TBC1D14: variants seen among roughly 807,000 people sequenced by gnomAD.
TBC1D14 encodes TBC1 domain family member 14.
TBC1D14 carries 26 observed loss-of-function variants against 79.0 expected under a neutral mutation model. The observed-to-expected ratio is 0.33, with a 90% CI of 0.24 to 0.46. TBC1D14 has a LOEUF of 0.46. TBC1D14 is among the 20% of genes least tolerant of loss of function. The pLI is 1.00. For missense variants in TBC1D14, 769 were observed against 887.6 expected (o/e 0.87, Z 1.70); for synonymous variants, 394 against 349.9 (o/e 1.13, Z -1.40).
intron 12 of TBC1D14, among the ~76,000 whole-genome samples, chr4:7,016,830 C>T (rs1411777120): frequency 6.6e-6 from 1 of 152,186 alleles, no homozygotes; most frequent in African/African-American, 2.4e-5. Flanking sequence ...AAGTACAGGC[C>T]TGGAGAATAG....
At chr4:6,972,782 G>C (rs914731691) in intron 3 of TBC1D14, among the ~76,000 whole-genome samples, 3 of 152,126 alleles carry the variant, frequency 2.0e-5, no homozygotes, top group African/African-American at 7.2e-5. Flanking sequence ...AGCTGGACTC[G>C]AAGCTTCAGC....
intron 2 of TBC1D14, among the ~76,000 whole-genome samples, chr4:6,951,659 T>C (rs1714051033): frequency 1.7e-5 from 2 of 117,094 alleles, no homozygotes; most frequent in African/African-American, 3.3e-5. Flanking sequence ...CTGTTTCTTA[T>C]GATTAAATGA....
chr4:6,946,569 C>G (rs892910965), intron 2 of TBC1D14, among the ~76,000 whole-genome samples: 1 of 152,190 alleles, frequency 6.6e-6, no homozygotes, highest in African/African-American at 2.4e-5. Flanking sequence ...GATCCACCTG[C>G]CTCGGCCTTC....
At chr4:7,013,970 C>T (rs1436684035) in intron 11 of TBC1D14, among the ~76,000 whole-genome samples, 2 of 152,162 alleles carry the variant, frequency 1.3e-5, no homozygotes, top group Admixed American at 6.5e-5. Flanking sequence ...AGGATGGTCT[C>T]GATCTCCTGA....
chr4:6,984,271 C>G (rs1293817885), intron 3 of TBC1D14, among the ~76,000 whole-genome samples: 1 of 152,120 alleles, frequency 6.6e-6, no homozygotes, highest in Non-Finnish European at 1.5e-5. Flanking sequence ...CTCACATTGC[C>G]TATGCTCGTG....
At chr4:6,953,763 G>A (rs1714340226) in intron 2 of TBC1D14, among the ~76,000 whole-genome samples, 1 of 152,246 alleles carries the variant, frequency 6.6e-6, no homozygotes, top group South Asian at 2.1e-4. Context: ...TGGTTCTAGT[G>A]TAGGTATTTG....
Position 6,928,784 on chromosome 4 carries a change from G to A in TBC1D14, c.722+4673G>A, listed in dbSNP as rs115759034. Among the ~76,000 whole-genome samples the A allele has an allele frequency of 8.0e-3, 1,226 of 152,328 alleles. 12 individuals carry two copies. The highest frequency in any genetic ancestry group is 0.041 in the Middle Eastern group (12 of 294). The stretch of plus-strand genomic sequence containing the variant: ...GGAAACTGAGGCAAGGGGTGGTTAA[G>A]TGGTTTGTCCAAGGATACAGGGAAA... On this transcript the variant is annotated intron_variant, in intron 2 of 13. Transcript: ENST00000409757.
intron 2 of TBC1D14, among the ~76,000 whole-genome samples, chr4:6,960,081 C>CCTTT (rs1553860268): frequency 7.6e-6 from 1 of 131,306 alleles, no homozygotes; most frequent in Non-Finnish European, 1.6e-5. Flanking sequence ...CCCTGTGCCC[C>CCTTT]TTTTTTTTTT....
chr4:6,974,747 A>G (rs1716559345), intron 3 of TBC1D14, among the ~76,000 whole-genome samples: 2 of 152,356 alleles, frequency 1.3e-5, no homozygotes, highest in South Asian at 4.1e-4. Flanking sequence ...GAGAAAATTC[A>G]GAGTTTCTTA....
At chr4:6,988,690 A>G (rs1049751688) in intron 3 of TBC1D14, among the ~76,000 whole-genome samples, 19 of 152,182 alleles carry the variant, frequency 1.2e-4, no homozygotes, top group African/African-American at 4.6e-4. Context: ...GATTTGACTG[A>G]TGACCCTTTC....
chr4:6,911,315 C>T (rs1441164193), intron 1 of TBC1D14, among the ~76,000 whole-genome samples: 1 of 152,210 alleles, frequency 6.6e-6, no homozygotes, highest in African/African-American at 2.4e-5. Flanking sequence ...TGGGAAACAT[C>T]AAGGGTGTCA....
chr4:6,966,998 A>G (rs1715755228), intron 2 of TBC1D14, among the ~76,000 whole-genome samples: 1 of 152,112 alleles, frequency 6.6e-6, no homozygotes, highest in African/African-American at 2.4e-5. Flanking sequence ...TTTAGTAGAG[A>G]CGGGGTTTCA....
At chr4:6,913,286 C>T (rs531603250) in intron 1 of TBC1D14, among the ~76,000 whole-genome samples, 2 of 152,324 alleles carry the variant, frequency 1.3e-5, no homozygotes, top group African/African-American at 2.4e-5. Context: ...TGAGCCACCA[C>T]GCCTGGCCTA....
chr4:6,954,576 A>C (rs1274647965), intron 2 of TBC1D14, among the ~76,000 whole-genome samples: 1 of 147,700 alleles, frequency 6.8e-6, no homozygotes, highest in Non-Finnish European at 1.5e-5. Flanking sequence ...TGCCCACTGC[A>C]CTTCCTTGAC....
At chr4:6,948,159 T>C (rs952540921) in intron 2 of TBC1D14, among the ~76,000 whole-genome samples, 4 of 152,174 alleles carry the variant, frequency 2.6e-5, no homozygotes, top group African/African-American at 7.2e-5. Flanking sequence ...CCTGCAGAAC[T>C]TAAGTACATG....
At chr4:6,921,842 G>A (rs974512019) in intron 1 of TBC1D14, among the ~76,000 whole-genome samples, 1 of 151,686 alleles carries the variant, frequency 6.6e-6, no homozygotes, top group Non-Finnish European at 1.5e-5. Context: ...GATTACAGGC[G>A]CACACCACCA....
At chr4:7,004,054 G>T (rs1461466641) in intron 7 of TBC1D14, among the ~76,000 whole-genome samples, 1 of 152,126 alleles carries the variant, frequency 6.6e-6, no homozygotes, top group Non-Finnish European at 1.5e-5. Flanking sequence ...CCTGAGACTG[G>T]GCTGTGTCGG....
intron 9 of TBC1D14, among the ~76,000 whole-genome samples, chr4:7,008,994 T>G (rs1720489909): frequency 6.6e-6 from 1 of 152,228 alleles, no homozygotes; most frequent in Non-Finnish European, 1.5e-5. Flanking sequence ...TTTTTCCTTT[T>G]GTCCCTCTGT....
intron 12 of TBC1D14, among the ~76,000 whole-genome samples, chr4:7,021,055 G>A (rs1324321173): frequency 7.2e-5 from 11 of 152,198 alleles, no homozygotes; most frequent in African/African-American, 2.7e-4. Flanking sequence ...CGTGGATGCC[G>A]TCTTCCTCCT....
Sources: allele counts gnomAD v4.1 joint callset (sites outside exome capture counted in the v4.1 genomes callset), GRCh38; gene constraint gnomAD v4.1.1; transcripts MANE v1.5; gene names NCBI Gene and HGNC (gene_info 2026-07-23, HGNC 2026-07-21).